RAPGEFL1: variants seen among roughly 807,000 people sequenced by gnomAD.
RAPGEFL1 encodes Rap guanine nucleotide exchange factor like 1, also known as rap guanine nucleotide exchange factor-like 1.
Under a neutral mutation model 64.4 loss-of-function variants are expected in RAPGEFL1, and 31 were observed. The observed-to-expected ratio is 0.48, with a 90% CI of 0.36 to 0.65. RAPGEFL1 has a LOEUF of 0.65. Among genes scored for constraint, RAPGEFL1 ranks in the 30% least tolerant of loss-of-function variants. The pLI is 0.00. For missense variants in RAPGEFL1, 682 were observed against 677.4 expected (o/e 1.01, Z -0.08); for synonymous variants, 331 against 274.1 (o/e 1.21, Z -2.05).
chr17:40,192,175 C>G, intron 10 of RAPGEFL1, 38 bp from the exon 11 acceptor site: 1 of 1,592,002 alleles, frequency 6.3e-7, no homozygotes, highest in Non-Finnish European at 8.6e-7. Context: ...CAAGGAGCTC[C>G]ACTCTGATAT....
chr17:40,193,546 G>A (rs1990352627), intron 14 of RAPGEFL1, 118 bp from the exon 15 acceptor site: 3 of 1,582,686 alleles, frequency 1.9e-6, no homozygotes, highest in Non-Finnish European at 2.6e-6. Context: ...CCTTGCCTCT[G>A]CAGAGGCCTT....
Position 40,193,648 on chromosome 17 carries a change from C to T in RAPGEFL1, c.1865-16C>T, listed in dbSNP as rs1223489976. On this transcript the variant is annotated splice_polypyrimidine_tract_variant and intron_variant, in intron 14 of 14. Coordinates refer to ENST00000620260, the MANE Select transcript of RAPGEFL1 (RefSeq NM_016339.6). The stretch of plus-strand genomic sequence containing the variant: ...GAAGCTGGGAACCTGACTGCCTCTC[C>T]CTCTTTACCCACTAGGCCTGGACAT... 1 of 1,614,016 alleles carries T rather than the reference C, an allele frequency of 6.2e-7. No homozygotes were observed.
At chr17:40,179,852 C>T (rs1989841991) in intron 1 of RAPGEFL1, among the ~76,000 whole-genome samples, 1 of 152,190 alleles carries the variant, frequency 6.6e-6, no homozygotes, top group Admixed American at 6.5e-5. Context: ...AGACCTGGGT[C>T]CTCTCCTTTG....
Position 40,193,866 on chromosome 17 carries a change from A to C in RAPGEFL1, c.*78A>C. 1.9e-6 allele frequency: 3 copies of C among 1,574,198 alleles called. No homozygotes were observed. Among genetic ancestry groups the C allele is most frequent in the Non-Finnish European group, 2.6e-6 (3 of 1,153,334 alleles). ...CACTTTGCACGATGTCTCAACCAACATCTGACATCTTTCCCGTGGAGCAAC... is the reference window on the plus strand; with the variant it reads ...CACTTTGCACGATGTCTCAACCAACCTCTGACATCTTTCCCGTGGAGCAAC... On this transcript the variant is annotated 3_prime_UTR_variant, in exon 15 of 15. Transcript: ENST00000620260.
Position 40,178,281 on chromosome 17 carries a change from G to C in RAPGEFL1, c.420G>C (p.Pro140=), listed in dbSNP as rs912721284. ...CCCCAGGCGAGCCCTTGACTTCGCC[G>C]CCCTGGGCCCCTCTGGGCGCCCCCG... ...ELSPGEPLTS[P]PWAPLGAPER... Residue 140 remains proline, a synonymous_variant, in exon 1 of 15, where the codon CCG becomes CCC. Transcript: ENST00000620260. 7.7e-6 allele frequency: 5 copies of C among 646,830 alleles called. No homozygotes were observed. Among genetic ancestry groups the C allele is most frequent in the Non-Finnish European group, 1.4e-5 (5 of 355,886 alleles). The allele number at this position is 646,830 out of a possible 1,614,324, so 40.1% of individuals were successfully genotyped here. A position where few individuals can be genotyped will look rare whatever the true frequency, so the allele number is the denominator to read the frequency against.
chr17:40,184,455 G>A, intron 3 of RAPGEFL1, 106 bp downstream of exon 3: 1 of 1,217,368 alleles, frequency 8.2e-7, no homozygotes, highest in Non-Finnish European at 1.2e-6. Context: ...AGGAAGAGAT[G>A]CCAGGGGGCC....
Position 40,178,008 on chromosome 17 carries a change from A to T in RAPGEFL1, c.147A>T (p.Gly49=), listed in dbSNP as rs1204994074. Residue 49 remains glycine, a synonymous_variant, in exon 1 of 15, where the codon GGA becomes GGT. Coordinates refer to ENST00000620260, the MANE Select transcript of RAPGEFL1 (RefSeq NM_016339.6). ...GPGGGGGPAG[G]QRSLQRRQSV... ...GCGGGGGCGGCGGTCCAGCCGGGGG[A>T]CAGCGGTCGTTGCAGCGGCGTCAGA... 4.0e-6 allele frequency: 2 copies of T among 501,172 alleles called. No homozygotes were observed. The highest frequency in any genetic ancestry group is 7.0e-6 in the Non-Finnish European group (2 of 284,874). 31.0% of individuals were successfully genotyped at this position (501,172 alleles called of 1,614,324 possible). A position where few individuals can be genotyped will look rare whatever the true frequency, so the allele number is the denominator to read the frequency against.
rs904680972 is a variant in RAPGEFL1, at chr17:40,191,636, C to G, written c.1569C>G (p.Asp523Glu). ...TCTACGCCGTGGTCATGGGGCTGGA[C>G]AACGCCGCTGTCAGCCGCCTTCGAC... The part of the protein sequence containing the change: ...LSFYAVVMGL[D>E]NAAVSRLRLT... Residue 523 changes from aspartate to glutamate, a missense_variant, in exon 10 of 15, where the codon GAC becomes GAG. Coordinates refer to ENST00000620260, the MANE Select transcript of RAPGEFL1 (RefSeq NM_016339.6). This position sits in a 1 kb window ranked among gnomAD's most constrained non-coding sequence, Gnocchi z 5.1. 1.9e-6 allele frequency: 3 copies of G among 1,613,362 alleles called. No homozygotes were observed. The highest frequency in any genetic ancestry group is 4.5e-5 in the East Asian group (2 of 44,862).
chr17:40,187,132 A>G (rs1990104668), intron 4 of RAPGEFL1, among the ~76,000 whole-genome samples: 1 of 152,066 alleles, frequency 6.6e-6, no homozygotes, highest in South Asian at 2.1e-4. Flanking sequence ...TAAAACATAT[A>G]TATTTATATA....
At position 40,177,686 on chromosome 17, in the gene RAPGEFL1, C is replaced by T. The variant is rs1405621524; in HGVS notation, c.-176C>T. ...TTTCCTCTGGCACCTCCCCCGGCTA[C>T]TGGCCACTGGACTCTGGCCAGCGAG... On this transcript the variant is annotated 5_prime_UTR_variant, in exon 1 of 15. Transcript: ENST00000620260. 4 of 413,036 alleles carry T rather than the reference C, an allele frequency of 9.7e-6. No individual in the cohort carries two copies. The highest frequency in any genetic ancestry group is 8.2e-5 in the African/African-American group (4 of 48,588). 25.6% of individuals were successfully genotyped at this position (413,036 alleles called of 1,614,324 possible).
At chr17:40,189,178 G>C (rs1990176876) in intron 5 of RAPGEFL1, 30 bp from the exon 6 acceptor site, 1 of 1,611,160 alleles carries the variant, frequency 6.2e-7, no homozygotes, top group African/African-American at 1.3e-5. Context: ...TCTGCCCTCT[G>C]TTGAAAGCCA....
At chr17:40,189,421 C>T in intron 6 of RAPGEFL1, 46 bp downstream of exon 6, 1 of 1,601,160 alleles carries the variant, frequency 6.2e-7, no homozygotes, top group African/African-American at 1.3e-5. Flanking sequence ...AGGAGAAACT[C>T]ACAAGCTCAG....
In RAPGEFL1 at chr17:40,178,266, G is replaced by T. The variant is rs577388508; in HGVS notation, c.405G>T (p.Glu135Asp). ...SYSSDELSPGEPLTSPPWAPL... is the reference protein window; with the variant it reads ...SYSSDELSPGDPLTSPPWAPL... ...CATCTGACGAGCTGTCCCCAGGCGA[G>T]CCCTTGACTTCGCCGCCCTGGGCCC... Residue 135 changes from glutamate to aspartate, a missense_variant, in exon 1 of 15, where the codon GAG becomes GAT. By Grantham distance (45) the Glu-to-Asp change is conservative (BLOSUM62 2). Transcript: ENST00000620260. 2.9e-5 allele frequency: 19 copies of T among 650,312 alleles called. No homozygotes were observed. Among genetic ancestry groups the T allele is most frequent in the Middle Eastern group, 2.4e-4 (1 of 4,210 alleles). 40.3% of individuals were successfully genotyped at this position (650,312 alleles called of 1,614,324 possible).
intron 4 of RAPGEFL1, among the ~76,000 whole-genome samples, chr17:40,187,086 G>A (rs1408449425): frequency 6.6e-6 from 1 of 151,878 alleles, no homozygotes; most frequent in Non-Finnish European, 1.5e-5. Context: ...GGGATTCTAG[G>A]TGTAAGCCAC....
Position 40,190,425 on chromosome 17 carries a change from C to G in RAPGEFL1, c.1115-9C>G, listed in dbSNP as rs375994124. On this transcript the variant is annotated splice_polypyrimidine_tract_variant and intron_variant, in intron 6 of 14. Transcript: ENST00000620260. ...AGGGGCCGAGGATGAGCAGCTCTTT[C>G]TCCTGCAGAGAAGGTCCTTCTCCAG... 3.1e-6 allele frequency: 5 copies of G among 1,613,624 alleles called. No individual in the cohort carries two copies. The highest frequency in any genetic ancestry group is 2.7e-5 in the African/African-American group (2 of 75,004).
chr17:40,188,943 T>C lies in RAPGEFL1; in HGVS notation c.911T>C (p.Leu304Pro). 1 of 1,614,206 alleles carries C rather than the reference T, an allele frequency of 6.2e-7. No individual in the cohort carries two copies. Among genetic ancestry groups the C allele is most frequent in the Non-Finnish European group, 8.5e-7 (1 of 1,180,044 alleles). Residue 304 changes from leucine (L) to proline (P), a missense_variant, in exon 5 of 15, where the codon CTG becomes CCG. Coordinates refer to ENST00000620260, the MANE Select transcript of RAPGEFL1 (RefSeq NM_016339.6). ...FRHFRRIDSC[L>P]QTRVAFRGSD... ...CACTTCCGCCGGATAGACTCCTGTC[T>C]GCAGACCCGGGTGGCCTTCCGGGGC... is the stretch of plus-strand genomic sequence containing the variant.
At chr17:40,180,300 C>T (rs1275150659) in intron 1 of RAPGEFL1, among the ~76,000 whole-genome samples, 1 of 152,160 alleles carries the variant, frequency 6.6e-6, no homozygotes, top group Admixed American at 6.5e-5. Flanking sequence ...ACACGCTCCG[C>T]TCATTCTCCC....
At chr17:40,184,730 C>T in intron 4 of RAPGEFL1, 52 bp downstream of exon 4, 1 of 1,145,202 alleles carries the variant, frequency 8.7e-7, no homozygotes, top group South Asian at 1.5e-5. Context: ...CCCTGCGTTC[C>T]TCTACTACAG....
At chr17:40,187,618 CTTT>C (rs201737850) in intron 4 of RAPGEFL1, among the ~76,000 whole-genome samples, 3 of 147,870 alleles carry the variant, frequency 2.0e-5, no homozygotes, top group Non-Finnish European at 4.5e-5. Context: ...ACCATGTTTT[CTTT>C]TTTTTTTGAG....
Sources: allele counts gnomAD v4.1 joint callset (sites outside exome capture counted in the v4.1 genomes callset), GRCh38; gene constraint gnomAD v4.1.1; non-coding constraint Gnocchi (gnomAD v3.1); transcripts MANE v1.5; gene names NCBI Gene and HGNC (gene_info 2026-07-23, HGNC 2026-07-21).